The following WDR41 variants were observed in gnomAD, a reference collection of about 807,000 sequenced individuals.
WDR41 encodes the protein WD repeat domain 41, also known as WD repeat-containing protein 41.
A neutral mutation model predicts 69.3 loss-of-function variants in WDR41; 63 were observed. The ratio of observed to expected loss-of-function variants is 0.91; its 90% CI spans 0.74 to 1.12. WDR41 has a LOEUF of 1.12. WDR41 is among the 50% of genes most tolerant of loss of function. The pLI is 0.00. For missense variants in WDR41, 543 were observed against 534.5 expected (o/e 1.02, Z -0.16); for synonymous variants, 185 against 192.1 (o/e 0.96, Z 0.31).
intron 1 of WDR41, among the ~76,000 whole-genome samples, chr5:77,515,411 T>C (rs942759899): frequency 1.3e-5 from 2 of 152,226 alleles, no homozygotes; most frequent in African/African-American, 4.8e-5. Flanking sequence ...CATATGAAAC[T>C]GTCATCTATT....
intron 10 of WDR41, among the ~76,000 whole-genome samples, chr5:77,437,905 T>TA: frequency 6.6e-6 from 1 of 152,158 alleles, no homozygotes; most frequent in African/African-American, 2.4e-5. Flanking sequence ...ATTCTGGCCA[T>TA]AAACAAAAAG....
chr5:77,492,350 A>T, upstream of WDR41: 1 of 1,277,284 alleles, frequency 7.8e-7, no homozygotes, highest in Non-Finnish European at 1.1e-6. Context: ...AGATCAGCCC[A>T]CGGGCCGAAG....
chr5:77,518,481 G>T (rs751879422), intron 1 of WDR41, among the ~76,000 whole-genome samples: 1 of 152,056 alleles, frequency 6.6e-6, no homozygotes, highest in Non-Finnish European at 1.5e-5. Context: ...TTATCCTATA[G>T]GATTATCAGT....
chr5:77,512,221 T>C (rs969107785), intron 1 of WDR41, among the ~76,000 whole-genome samples: 4 of 152,112 alleles, frequency 2.6e-5, no homozygotes, highest in African/African-American at 7.2e-5. Flanking sequence ...CAGAAGCTAA[T>C]ATAATTGGCA....
At chr5:77,526,862 T>C (rs1802456768) in intron 1 of WDR41, among the ~76,000 whole-genome samples, 1 of 152,140 alleles carries the variant, frequency 6.6e-6, no homozygotes, top group Non-Finnish European at 1.5e-5. Flanking sequence ...AACGTGATGA[T>C]TGGGTTTGGC....
At chr5:77,466,157 AT>A in intron 2 of WDR41, among the ~76,000 whole-genome samples, 1 of 151,338 alleles carries the variant, frequency 6.6e-6, no homozygotes. Context: ...CTAGCTAAAA[AT>A]CACAAAGAGT....
intron 8 of WDR41, among the ~76,000 whole-genome samples, chr5:77,447,758 C>A (rs1380088564): frequency 6.6e-6 from 1 of 152,082 alleles, no homozygotes; most frequent in Non-Finnish European, 1.5e-5. Flanking sequence ...CACACACCAG[C>A]ACCTGTTGTG....
At chr5:77,569,055 C>T (rs927093548) in intron 1 of WDR41, among the ~76,000 whole-genome samples, 55 of 152,272 alleles carry the variant, frequency 3.6e-4, no homozygotes, top group African/African-American at 1.3e-3. Context: ...AGCACTTTGA[C>T]ACTTTGTGGA....
At chr5:77,573,542 T>C (rs143372432) in intron 1 of WDR41, among the ~76,000 whole-genome samples, 101 of 152,318 alleles carry the variant, frequency 6.6e-4, no homozygotes, top group African/African-American at 2.3e-3. Flanking sequence ...GATCTTCCCC[T>C]ACTAACTCTT....
chr5:77,555,588 G>T (rs1384373274), intron 1 of WDR41, among the ~76,000 whole-genome samples: 1 of 152,120 alleles, frequency 6.6e-6, no homozygotes, highest in Non-Finnish European at 1.5e-5. Flanking sequence ...GGGATTACAG[G>T]TGTGAGCCAC....
At chr5:77,545,726 G>T in intron 1 of WDR41, 1 of 550,486 alleles carries the variant, frequency 1.8e-6, no homozygotes, top group South Asian at 2.6e-5. Flanking sequence ...ACCCACGCTG[G>T]CCAGTGCACC....
At chr5:77,582,662 G>A (rs925879589) in intron 1 of WDR41, 1 of 1,601,620 alleles carries the variant, frequency 6.2e-7, no homozygotes, top group East Asian at 2.2e-5. Context: ...ATCAGAATCA[G>A]AGGTATCAGT....
At position 77,482,813 on chromosome 5, in the gene WDR41, A is replaced by C. The variant is rs548851058; in HGVS notation, c.167+6644T>G. Reference sequence around the variant, plus strand: ...GATTATTTTCAGCTTAAGGCAACTGAGAAAATGCAGGCACAGAATGAGCTC... The same window carrying C: ...GATTATTTTCAGCTTAAGGCAACTGCGAAAATGCAGGCACAGAATGAGCTC... On this transcript the variant is annotated intron_variant, in intron 2 of 12. Transcript: ENST00000296679. Among the ~76,000 whole-genome samples the C allele has an allele frequency of 2.6e-5, 4 of 151,796 alleles. No homozygotes were observed. In the East Asian group the frequency reaches 7.7e-4, roughly 29 times the overall value.
intron 1 of WDR41, among the ~76,000 whole-genome samples, chr5:77,613,885 C>T (rs542819055): frequency 0.012 from 1,755 of 151,960 alleles, 28 homozygotes; most frequent in African/African-American, 0.04. Context: ...AAAATTTTTG[C>T]AATCTACTCA....
chr5:77,533,891 G>A (rs1742910881), intron 1 of WDR41, among the ~76,000 whole-genome samples: 1 of 152,014 alleles, frequency 6.6e-6, no homozygotes, highest in Non-Finnish European at 1.5e-5. Context: ...TAAAGAGCTG[G>A]TCTCCCCAGC....
chr5:77,571,816 A>G (rs1743738866), intron 1 of WDR41, among the ~76,000 whole-genome samples: 1 of 152,188 alleles, frequency 6.6e-6, no homozygotes, highest in South Asian at 2.1e-4. Flanking sequence ...CCGTAGTTTT[A>G]TTCAAAACCT....
At chr5:77,464,333 A>C (rs950331239) in intron 3 of WDR41, among the ~76,000 whole-genome samples, 18 of 122,850 alleles carry the variant, frequency 1.5e-4, no homozygotes, top group African/African-American at 5.8e-4. Context: ...GCTGGAGTGC[A>C]GTGGCATGTT....
At chr5:77,457,918 T>C (rs932916114) in intron 5 of WDR41, among the ~76,000 whole-genome samples, 3 of 152,084 alleles carry the variant, frequency 2.0e-5, no homozygotes, top group East Asian at 1.9e-4. Flanking sequence ...TTTCACTATA[T>C]TGGAATAAGA....
chr5:77,492,168 A>C lies in WDR41; in HGVS notation c.51+2T>G. The stretch of plus-strand genomic sequence containing the variant: ...CGCAGAGCAGACCCACCCGGGGTTT[A>C]CCTCGGCCAGTCCCTGCGGTTCTCG... On this transcript the variant is annotated splice_donor_variant, in intron 1 of 12. Coordinates refer to ENST00000296679, the MANE Select transcript of WDR41 (RefSeq NM_018268.4). LOFTEE classifies it high-confidence loss of function. The C allele has an allele frequency of 1.9e-6, 3 of 1,611,828 alleles. No individual in the cohort carries two copies. Among genetic ancestry groups the C allele is most frequent in the Non-Finnish European group, 1.7e-6 (2 of 1,179,208 alleles).
Sources: allele counts gnomAD v4.1 joint callset (sites outside exome capture counted in the v4.1 genomes callset), GRCh38; gene constraint gnomAD v4.1.1; transcripts MANE v1.5; gene names NCBI Gene and HGNC (gene_info 2026-07-23, HGNC 2026-07-21).